The following ELF5 variants were observed in gnomAD, a reference collection of about 807,000 sequenced individuals.
The protein encoded by ELF5 is E74 like ETS transcription factor 5.
Under a neutral mutation model 38.2 loss-of-function variants are expected in ELF5, and 31 were observed. The observed-to-expected ratio is 0.81, with a 90% CI of 0.61 to 1.10. The LOEUF (loss-of-function observed/expected upper bound fraction) is 1.10. Ranked by LOEUF, ELF5 falls within the 50% of genes least tolerant of loss-of-function variation. ELF5 has a pLI of 0.00. For missense variants in ELF5, 300 were observed against 306.6 expected (o/e 0.98, Z 0.16); for synonymous variants, 121 against 112.5 (o/e 1.08, Z -0.48).
chr11:34,512,596 T>TTA (rs1178194784), intron 1 of ELF5, among the ~76,000 whole-genome samples: 2 of 146,418 alleles, frequency 1.4e-5, no homozygotes, highest in East Asian at 1.9e-4. Context: ...TTTTTTTTTT[T>TTA]AAATCATGCA....
chr11:34,509,502 C>A (rs1438859983), intron 1 of ELF5, among the ~76,000 whole-genome samples: 1 of 152,056 alleles, frequency 6.6e-6, no homozygotes, highest in Non-Finnish European at 1.5e-5. Context: ...ATGTGCTCTG[C>A]AGATTATCGT....
chr11:34,498,169 T>C (rs1156343501), intron 2 of ELF5, among the ~76,000 whole-genome samples: 1 of 152,150 alleles, frequency 6.6e-6, no homozygotes, highest in Admixed American at 6.5e-5. Flanking sequence ...ATAAAAATAA[T>C]AGGACCTACT....
chr11:34,485,325 G>C (rs1183205085), intron 4 of ELF5, among the ~76,000 whole-genome samples: 2 of 152,130 alleles, frequency 1.3e-5, no homozygotes, highest in Non-Finnish European at 2.9e-5. Flanking sequence ...AAGATTTGTT[G>C]AGCATTTGCT....
chr11:34,499,526 G>A (rs1024343792), intron 2 of ELF5, among the ~76,000 whole-genome samples: 1 of 152,230 alleles, frequency 6.6e-6, no homozygotes, highest in Non-Finnish European at 1.5e-5. Context: ...TTTCAGGCAT[G>A]AGCCACTGTG....
rs114951957 is a variant in ELF5, at chr11:34,494,402, C to G, written c.122-690G>C. 3.9e-3 allele frequency among the ~76,000 whole-genome samples: 595 copies of G among 152,336 alleles called. 6 individuals are homozygous for G. Among genetic ancestry groups the G allele is most frequent in the African/African-American group, 0.014 (563 of 41,572 alleles). On this transcript the variant is annotated intron_variant, in intron 2 of 6. Coordinates refer to ENST00000257832, the MANE Select transcript of ELF5 (RefSeq NM_001422.4). ...TGGGTTATTAGACATTGCCCAGAGT[C>G]TGACAGTCCTTGCGTCACCATAGTA... is the stretch of plus-strand genomic sequence containing the variant.
rs1004139825 is a variant in ELF5 at position 34,489,294 on chromosome 11, A to G, written c.406+715T>C. 2.6e-5 allele frequency among the ~76,000 whole-genome samples: 4 copies of G among 152,216 alleles called. No homozygotes were observed. The East Asian group carries it at 5.8e-4, about 22-fold the overall frequency. On this transcript the variant is annotated intron_variant, in intron 4 of 6. Coordinates refer to ENST00000257832, the MANE Select transcript of ELF5 (RefSeq NM_001422.4). ...ACAGTCCCTCTGTGTCTGCCCCTCC[A>G]GCTTGCAGCCCTCAGAGGCCTTGGA...
intron 2 of ELF5, among the ~76,000 whole-genome samples, chr11:34,500,129 A>G (rs1445060547): frequency 2.0e-5 from 3 of 152,212 alleles, no homozygotes; most frequent in Non-Finnish European, 4.4e-5. Flanking sequence ...TAGCTGAGGA[A>G]AAACTACAGT....
At chr11:34,507,964 TTACTTAAAA>T (rs1850650919) in intron 1 of ELF5, among the ~76,000 whole-genome samples, 1 of 152,176 alleles carries the variant, frequency 6.6e-6, no homozygotes, top group African/African-American at 2.4e-5. Context: ...GCACTATTAT[TTACTTAAAA>T]TACTTAAAAA....
At chr11:34,488,216 G>C (rs1051353124) in intron 4 of ELF5, among the ~76,000 whole-genome samples, 3 of 152,100 alleles carry the variant, frequency 2.0e-5, no homozygotes, top group Non-Finnish European at 2.9e-5. Context: ...GCCTCAATGA[G>C]AGCAAGACTC....
intron 5 of ELF5, 57 bp downstream of exon 5, chr11:34,482,374 C>T (rs1856961156): frequency 6.6e-7 from 1 of 1,507,890 alleles, no homozygotes; most frequent in Admixed American, 1.8e-5. Flanking sequence ...AAGTAGATGA[C>T]TTTGTCTGAG....
chr11:34,512,230 G>A (rs927270960), intron 1 of ELF5, among the ~76,000 whole-genome samples: 1 of 148,970 alleles, frequency 6.7e-6, no homozygotes, highest in Non-Finnish European at 1.5e-5. Context: ...TCTTCTGAGA[G>A]GAACCCTAGC....
rs1201143979 is a variant in ELF5, at chr11:34,480,951, A to G, written c.492T>C (p.His164=). 5.6e-6 allele frequency: 9 copies of G among 1,611,432 alleles called. No individual in the cohort carries two copies. Among genetic ancestry groups the G allele is most frequent in the Non-Finnish European group, 7.6e-6 (9 of 1,178,960 alleles). Residue 164 remains histidine (H), a synonymous_variant, in exon 6 of 7, where the codon CAT becomes CAC. Transcript: ENST00000257832. ...GCAGGTCTCGTACAAATTCCCATAG[A>G]TGAGAACTTTGGAGGCCTTTTGAAA... is the stretch of plus-strand genomic sequence containing the variant. ...SHSRTSLQSS[H]LWEFVRDLLL... is the part of the protein sequence containing the mutation.
At chr11:34,512,838 C>G (rs1263148849) in intron 1 of ELF5, among the ~76,000 whole-genome samples, 1 of 152,180 alleles carries the variant, frequency 6.6e-6, no homozygotes, top group East Asian at 1.9e-4. Flanking sequence ...CAAACCACCC[C>G]TTTCCCTGGG....
chr11:34,506,408 G>A (rs907678996), intron 1 of ELF5, among the ~76,000 whole-genome samples: 4 of 152,200 alleles, frequency 2.6e-5, no homozygotes, highest in East Asian at 3.8e-4. Context: ...CCTGTGTGAT[G>A]AGATCAATAG....
intron 2 of ELF5, among the ~76,000 whole-genome samples, chr11:34,505,174 A>G (rs1166238343): frequency 4.6e-5 from 7 of 152,178 alleles, no homozygotes; most frequent in Non-Finnish European, 1.0e-4. Context: ...ATAATTGTTC[A>G]TCTCATAGGG....
intron 2 of ELF5, among the ~76,000 whole-genome samples, chr11:34,502,047 C>T (rs1850485030): frequency 6.6e-6 from 1 of 152,126 alleles, no homozygotes; most frequent in Admixed American, 6.5e-5. Context: ...AGAGGGAAGG[C>T]TGTTTTTCCA....
intron 1 of ELF5, chr11:34,511,806 A>T: frequency 3.7e-6 from 2 of 540,024 alleles, no homozygotes; most frequent in Non-Finnish European, 6.6e-6. Context: ...AGCCTTGGCC[A>T]GTTTGCCAGA....
chr11:34,484,643 T>G lies in ELF5; in HGVS notation c.407-2144A>C, dbSNP rs369144891. ...ACACTGCTGCTTAGGGTGACCTCTC[T>G]CAGTGCCACTGGGTCATGTCACCTC... On this transcript the variant is annotated intron_variant, in intron 4 of 6. Transcript: ENST00000257832. Among the ~76,000 whole-genome samples, 84 of 152,222 alleles carry G rather than the reference T, an allele frequency of 5.5e-4. 2 individuals carry two copies. Among genetic ancestry groups the G allele is most frequent in the African/African-American group, 1.8e-3 (74 of 41,522 alleles).
At chr11:34,509,447 C>A (rs1192583794) in intron 1 of ELF5, among the ~76,000 whole-genome samples, 1 of 152,184 alleles carries the variant, frequency 6.6e-6, no homozygotes, top group Non-Finnish European at 1.5e-5. Flanking sequence ...CAAGAGTTTC[C>A]AGACTCTGCT....
Sources: gnomAD v4.1 joint callset for allele counts (sites outside exome capture counted in the v4.1 genomes callset) on GRCh38, gnomAD v4.1.1 for gene constraint, MANE v1.5 for transcripts, NCBI Gene and HGNC (gene_info 2026-07-23, HGNC 2026-07-21) for gene names.